Variants in STXBP3 observed in about 807,000 individuals in gnomAD.
The protein encoded by STXBP3 is syntaxin binding protein 3.
A neutral mutation model predicts 85.7 loss-of-function variants in STXBP3; 41 were observed. The ratio of observed to expected loss-of-function variants is 0.48; its 90% CI spans 0.37 to 0.62. STXBP3 has a LOEUF of 0.62. Among genes scored for constraint, STXBP3 ranks in the 20% least tolerant of loss-of-function variants. The pLI, the probability that STXBP3 is intolerant of heterozygous loss-of-function variation, is 0.00. For synonymous variants in STXBP3, 229 were observed against 231.7 expected, an observed-to-expected ratio of 0.99 and a Z score of 0.10; for missense variants, 563 against 703.1, an observed-to-expected ratio of 0.80 and a Z score of 2.25.
chr1:108,796,330 GATAAA>G lies in STXBP3; in HGVS notation c.1212_1216del (p.Ile405SerfsTer10), dbSNP rs1459384752. On this transcript the variant is annotated frameshift_variant, in exon 14 of 19. Transcript: ENST00000370008. LOFTEE classifies it high-confidence loss of function. ...ACTCAACAAAAATCATGATAATTGT[GATAAA>G]ATAAGAGCAATTCTACTTTATATCT... 2 of 1,587,076 alleles carry G rather than the reference GATAAA, an allele frequency of 1.3e-6. No individual in the cohort carries two copies. Among genetic ancestry groups the G allele is most frequent in the African/African-American group, 1.3e-5 (1 of 74,508 alleles).
rs115674786 is a variant in STXBP3 at position 108,794,698 on chromosome 1, C to T, written c.1030-129C>T. 1.3e-3 allele frequency: 921 copies of T among 713,408 alleles called. 7 individuals carry two copies. In the African/African-American group the frequency reaches 0.015, roughly 12 times the overall value. 44.2% of individuals were successfully genotyped at this position (713,408 alleles called of 1,614,324 possible). ...TTTACTTCCTTTCTTGAGCTGTTCC[C>T]TTGCTTACATGTTACCTTCTTTCAC... is the stretch of plus-strand genomic sequence containing the variant. On this transcript the variant is annotated intron_variant, in intron 12 of 18. Coordinates refer to ENST00000370008, the MANE Select transcript of STXBP3 (RefSeq NM_007269.4).
At chr1:108,766,866 C>G in intron 6 of STXBP3, 1 of 475,082 alleles carries the variant, frequency 2.1e-6, no homozygotes, top group Non-Finnish European at 4.2e-6. Flanking sequence ...ACTTTGTGGT[C>G]TATACTTTGT....
At chr1:108,748,742 G>A (rs375981460) in intron 1 of STXBP3, among the ~76,000 whole-genome samples, 9 of 152,040 alleles carry the variant, frequency 5.9e-5, no homozygotes, top group Admixed American at 2.0e-4. Context: ...TGAAGTGGGA[G>A]GATCGCTGGA....
chr1:108,761,959 C>T lies in STXBP3; in HGVS notation c.438+1874C>T, dbSNP rs370083067. On this transcript the variant is annotated intron_variant, in intron 6 of 18. Coordinates refer to ENST00000370008, the MANE Select transcript of STXBP3 (RefSeq NM_007269.4). ...CTGCACTCCAGCCTGGGCAACAGAGCGAGACTCCATCTCCAAAAAAAAAAG... is the reference window on the plus strand; with the variant it reads ...CTGCACTCCAGCCTGGGCAACAGAGTGAGACTCCATCTCCAAAAAAAAAAG... Among the ~76,000 whole-genome samples, 15 of 151,772 alleles carry T rather than the reference C, an allele frequency of 9.9e-5. No individual in the cohort carries two copies. In the East Asian group the frequency reaches 1.9e-3, roughly 20 times the overall value.
chr1:108,808,748 G>C (rs200051688), intron 18 of STXBP3, 35 bp from the exon 19 acceptor site: 1 of 1,503,942 alleles, frequency 6.6e-7, no homozygotes, highest in South Asian at 1.1e-5. Flanking sequence ...TGATTTAACT[G>C]CTGGCCTCTG....
intron 5 of STXBP3, 132 bp from the exon 6 acceptor site, chr1:108,759,849 TTATA>T: frequency 1.8e-6 from 1 of 554,670 alleles, no homozygotes; most frequent in Non-Finnish European, 3.2e-6. Context: ...ATAACAATAT[TTATA>T]TATTATTTAT....
At chr1:108,772,334 CAT>C (rs1400595525) in intron 6 of STXBP3, among the ~76,000 whole-genome samples, 1 of 55,256 alleles carries the variant, frequency 1.8e-5, no homozygotes, top group African/African-American at 7.3e-5. Flanking sequence ...ATATCTGTAT[CAT>C]ATATAAATAC....
In STXBP3 at chr1:108,765,424, A is replaced by G. The variant is rs138479156; in HGVS notation, c.438+5339A>G. The stretch of plus-strand genomic sequence containing the variant: ...TGCCATGTGGCTTGTCCTTATCTCC[A>G]GCAAAACAATCTAGTTCCCTCAACC... On this transcript the variant is annotated intron_variant, in intron 6 of 18. Coordinates refer to ENST00000370008, the MANE Select transcript of STXBP3 (RefSeq NM_007269.4). Among the ~76,000 whole-genome samples, 102 of 152,348 alleles carry G rather than the reference A, an allele frequency of 6.7e-4. No individual in the cohort carries two copies. In the East Asian group the frequency reaches 0.017, roughly 26 times the overall value.
At position 108,758,678 on chromosome 1, in the gene STXBP3, T is replaced by TA. The variant is rs1360374962; in HGVS notation, c.337+93dup. The TA allele has an allele frequency of 5.5e-6, 3 of 548,280 alleles. No individual in the cohort carries two copies. The African/African-American group carries it at 5.9e-5, about 11-fold the overall frequency. The allele number at this position is 548,280 out of a possible 1,614,324, so 34.0% of individuals were successfully genotyped here. A position where few individuals can be genotyped will look rare whatever the true frequency, so the allele number is the denominator to read the frequency against. On this transcript the variant is annotated intron_variant, in intron 5 of 18. Coordinates refer to ENST00000370008, the MANE Select transcript of STXBP3 (RefSeq NM_007269.4). ...TTTAAAAATCAGCCCAAAATGTCAT[T>TA]AAAGTATCTACTTTTTATAATATTA... is the stretch of plus-strand genomic sequence containing the variant.
intron 7 of STXBP3, among the ~76,000 whole-genome samples, chr1:108,773,707 C>T (rs1474428707): frequency 6.6e-6 from 1 of 152,044 alleles, no homozygotes; most frequent in Non-Finnish European, 1.5e-5. Flanking sequence ...ACAATTTAGA[C>T]ATGCCAGTTA....
intron 6 of STXBP3, among the ~76,000 whole-genome samples, chr1:108,764,004 A>G (rs1433780525): frequency 6.6e-6 from 1 of 152,056 alleles, no homozygotes; most frequent in African/African-American, 2.4e-5. Flanking sequence ...CTAGTACCCA[A>G]TAGTTATTTT....
intron 9 of STXBP3, chr1:108,781,199 C>T (rs1418173023): frequency 1.3e-5 from 2 of 152,166 alleles, no homozygotes; most frequent in Non-Finnish European, 2.9e-5. Flanking sequence ...TAATTGAGCA[C>T]AGTGATTCTG....
chr1:108,777,588 G>T (rs1425099370), intron 8 of STXBP3, among the ~76,000 whole-genome samples: 2 of 152,172 alleles, frequency 1.3e-5, no homozygotes, highest in African/African-American at 4.8e-5. Flanking sequence ...TTTGTTGAAT[G>T]AAGAGATATA....
Position 108,802,124 on chromosome 1 carries a change from C to T in STXBP3, c.1535+1819C>T, listed in dbSNP as rs1410599845. 5.9e-5 allele frequency among the ~76,000 whole-genome samples: 9 copies of T among 152,152 alleles called. 1 individual carries two copies. The South Asian group carries it at 1.0e-3, about 18-fold the overall frequency. ...TATTAAATTTCTACCTGGCCGGGTG[C>T]GGTGGCTCATGCCTGTAATCCCAGC... On this transcript the variant is annotated intron_variant, in intron 17 of 18. Transcript: ENST00000370008.
intron 11 of STXBP3, among the ~76,000 whole-genome samples, chr1:108,791,532 CTT>C (rs909759021): frequency 1.4e-5 from 2 of 145,884 alleles, no homozygotes. Flanking sequence ...ATTCTGTTAC[CTT>C]TTTTTTTTTA....
At position 108,773,262 on chromosome 1, in the gene STXBP3, A is replaced by C. The variant is rs1475692; in HGVS notation, c.593+443A>C. Among the ~76,000 whole-genome samples the C allele has an allele frequency of 3.3e-5, 5 of 152,080 alleles. No homozygotes were observed. In the East Asian group the frequency reaches 9.7e-4, roughly 29 times the overall value. ...AAGGGGTAAAATTTAACTTTAGTAC[A>C]ATATACCTTGACTTATATACTTCTT... On this transcript the variant is annotated intron_variant, in intron 7 of 18. Transcript: ENST00000370008.
intron 7 of STXBP3, among the ~76,000 whole-genome samples, chr1:108,775,375 A>G (rs1662563745): frequency 6.6e-6 from 1 of 152,130 alleles, no homozygotes; most frequent in Non-Finnish European, 1.5e-5. Context: ...TAGTCACATC[A>G]GGGTAAACGG....
chr1:108,787,141 A>G (rs1057298764), intron 11 of STXBP3, among the ~76,000 whole-genome samples: 1 of 151,990 alleles, frequency 6.6e-6, no homozygotes. Context: ...TACTTTGTTT[A>G]TAGATTGGCT....
intron 8 of STXBP3, among the ~76,000 whole-genome samples, chr1:108,776,824 A>G (rs1429260196): frequency 6.6e-6 from 1 of 152,168 alleles, no homozygotes; most frequent in Non-Finnish European, 1.5e-5. Flanking sequence ...ATGCTTGCCA[A>G]TGTGTAAACA....
Sources: allele counts gnomAD v4.1 joint callset (sites outside exome capture counted in the v4.1 genomes callset), GRCh38; gene constraint gnomAD v4.1.1; transcripts MANE v1.5; gene names NCBI Gene and HGNC (gene_info 2026-07-23, HGNC 2026-07-21).